PDE4D: variants seen among roughly 807,000 people sequenced by gnomAD.
The protein encoded by PDE4D is phosphodiesterase 4D, also known as 3',5'-cyclic-AMP phosphodiesterase 4D.
PDE4D carries 24 observed loss-of-function variants against 87.4 expected under a neutral mutation model. The ratio of observed to expected loss-of-function variants is 0.27; its 90% CI spans 0.20 to 0.39. The LOEUF is 0.39. Among genes scored for constraint, PDE4D ranks in the 10% least tolerant of loss-of-function variants. PDE4D has a pLI of 1.00. For missense variants in PDE4D, 714 were observed against 1,041.0 expected, an observed-to-expected ratio of 0.69 and a Z score of 4.32; for synonymous variants, 384 against 383.2, an observed-to-expected ratio of 1.00 and a Z score of -0.02.
intron 1 of PDE4D, among the ~76,000 whole-genome samples, chr5:59,410,607 C>T (rs576868776): frequency 2.2e-4 from 33 of 152,204 alleles, no homozygotes; most frequent in South Asian, 6.2e-4. Context: ...GTTTATCTTT[C>T]TGTACCTGGC....
At chr5:59,240,610 A>G (rs1482144828) in intron 1 of PDE4D, among the ~76,000 whole-genome samples, 3 of 152,156 alleles carry the variant, frequency 2.0e-5, no homozygotes, top group East Asian at 3.9e-4. Flanking sequence ...TAGTATCCCA[A>G]TAGGTTTAGA....
intron 1 of PDE4D, among the ~76,000 whole-genome samples, chr5:60,457,403 A>G (rs1746558359): frequency 6.6e-6 from 1 of 152,144 alleles, no homozygotes; most frequent in African/African-American, 2.4e-5. Flanking sequence ...AAGAATTTAG[A>G]CACATTTCCT....
intron 1 of PDE4D, among the ~76,000 whole-genome samples, chr5:59,341,873 C>T (rs563725570): frequency 1.4e-4 from 22 of 152,124 alleles, no homozygotes; most frequent in Admixed American, 9.8e-4. Context: ...TTGTGAATAA[C>T]GCTAGCTGAT....
intron 2 of PDE4D, among the ~76,000 whole-genome samples, chr5:60,136,970 T>C (rs1582824512): frequency 6.6e-6 from 1 of 152,054 alleles, no homozygotes; most frequent in African/African-American, 2.4e-5. Context: ...CTCACCCTCC[T>C]ACCCTCTGAA....
At chr5:59,419,425 G>T (rs924696949) in intron 1 of PDE4D, among the ~76,000 whole-genome samples, 2 of 152,134 alleles carry the variant, frequency 1.3e-5, no homozygotes, top group Non-Finnish European at 2.9e-5. Flanking sequence ...TTAAATGAAT[G>T]AATGAATTTA....
intron 1 of PDE4D, among the ~76,000 whole-genome samples, chr5:59,838,964 G>A (rs892777887): frequency 6.6e-6 from 1 of 151,914 alleles, no homozygotes; most frequent in Admixed American, 6.6e-5. Flanking sequence ...AGCTGTGAAT[G>A]TCATCATAAA....
At chr5:59,525,600 G>A (rs970724480) in intron 1 of PDE4D, among the ~76,000 whole-genome samples, 1 of 152,190 alleles carries the variant, frequency 6.6e-6, no homozygotes, top group Non-Finnish European at 1.5e-5. Flanking sequence ...TTTGAAATGT[G>A]AGAAAGATGA....
At chr5:59,518,868 G>C (rs1013067793) in intron 1 of PDE4D, among the ~76,000 whole-genome samples, 1 of 152,096 alleles carries the variant, frequency 6.6e-6, no homozygotes, top group African/African-American at 2.4e-5. Context: ...ACTATAAATG[G>C]AAAGTCAGTA....
At chr5:59,306,485 T>C (rs1281809578) in intron 1 of PDE4D, among the ~76,000 whole-genome samples, 2 of 152,206 alleles carry the variant, frequency 1.3e-5, no homozygotes, top group Admixed American at 6.5e-5. Flanking sequence ...TTAGCTTGTA[T>C]TTTTGTTTTA....
At chr5:59,794,942 A>C (rs1292536634) in intron 1 of PDE4D, among the ~76,000 whole-genome samples, 2 of 152,166 alleles carry the variant, frequency 1.3e-5, no homozygotes, top group Non-Finnish European at 2.9e-5. Context: ...CCTGGAGAGA[A>C]GCTGCCTGAG....
chr5:59,634,550 T>A (rs1462388412), intron 1 of PDE4D, among the ~76,000 whole-genome samples: 1 of 152,114 alleles, frequency 6.6e-6, no homozygotes, highest in African/African-American at 2.4e-5. Flanking sequence ...CAGACCACAG[T>A]GCAATCAAGT....
chr5:60,084,919 G>A (rs187760046), intron 2 of PDE4D, among the ~76,000 whole-genome samples: 26 of 152,086 alleles, frequency 1.7e-4, no homozygotes, highest in East Asian at 9.7e-4. Context: ...GATATAATAC[G>A]GGCCTCCAGG....
intron 1 of PDE4D, among the ~76,000 whole-genome samples, chr5:60,415,875 C>A (rs374409931): frequency 1.2e-4 from 18 of 152,220 alleles, no homozygotes; most frequent in Non-Finnish European, 1.6e-4. Flanking sequence ...GCCATCTGGG[C>A]TCCTGAGTCT....
chr5:59,818,702 G>T (rs1769273813), intron 1 of PDE4D, among the ~76,000 whole-genome samples: 1 of 152,116 alleles, frequency 6.6e-6, no homozygotes, highest in South Asian at 2.1e-4. Flanking sequence ...TTCTCCTGAT[G>T]GATCTTTCTG....
At chr5:60,521,471 G>T (rs1016024025) in intron 1 of PDE4D, 1 of 152,112 alleles carries the variant, frequency 6.6e-6, no homozygotes, top group African/African-American at 2.4e-5. Flanking sequence ...GTATGGTACT[G>T]GGAAAAAGAG....
At chr5:59,976,538 G>A (rs978187157) in intron 3 of PDE4D, among the ~76,000 whole-genome samples, 2 of 152,086 alleles carry the variant, frequency 1.3e-5, no homozygotes, top group Non-Finnish European at 2.9e-5. Context: ...GCTTCCTGAA[G>A]CCTCACAAAA....
At chr5:60,386,569 T>G (rs1451835102) in intron 1 of PDE4D, among the ~76,000 whole-genome samples, 1 of 151,972 alleles carries the variant, frequency 6.6e-6, no homozygotes, top group African/African-American at 2.4e-5. Context: ...TGCAGGGGGG[T>G]TCTGCCAGCT....
At chr5:59,174,258 T>C (rs865807131) in intron 5 of PDE4D, 15 of 152,206 alleles carry the variant, frequency 9.9e-5, no homozygotes, top group African/African-American at 3.6e-4. Flanking sequence ...TACGTGCCAA[T>C]TGACTAAATT....
intron 5 of PDE4D, among the ~76,000 whole-genome samples, chr5:59,052,382 G>T (rs1215694070): frequency 2.0e-5 from 3 of 152,162 alleles, no homozygotes; most frequent in Non-Finnish European, 4.4e-5. Context: ...GGGCTGGGTG[G>T]AGTAGACACA....
Sources: gnomAD v4.1 joint callset for allele counts (sites outside exome capture counted in the v4.1 genomes callset) on GRCh38, gnomAD v4.1.1 for gene constraint, MANE v1.5 for transcripts, NCBI Gene and HGNC (gene_info 2026-07-23, HGNC 2026-07-21) for gene names.